CHCHD6: variants seen among roughly 807,000 people sequenced by gnomAD.
The protein encoded by CHCHD6 is coiled-coil-helix-coiled-coil-helix domain containing 6, also known as MICOS complex subunit MIC25.
A neutral mutation model predicts 32.3 loss-of-function variants in CHCHD6; 28 were observed. The observed-to-expected ratio is 0.87, with a 90% CI of 0.64 to 1.19. The LOEUF (loss-of-function observed/expected upper bound fraction) is 1.19, where lower values mean the gene tolerates loss of function less well. Among genes scored for constraint, CHCHD6 ranks in the 50% most tolerant of loss-of-function variants. The pLI is 0.00. For synonymous variants in CHCHD6, 122 were observed against 117.5 expected, an observed-to-expected ratio of 1.04 and a Z score of -0.25; for missense variants, 333 against 307.0, an observed-to-expected ratio of 1.08 and a Z score of -0.63.
intron 4 of CHCHD6, among the ~76,000 whole-genome samples, chr3:126,805,799 C>G (rs1467831595): frequency 6.6e-6 from 1 of 152,170 alleles, no homozygotes; most frequent in African/African-American, 2.4e-5. Context: ...TGACTTCAAA[C>G]TATACTACAA....
intron 4 of CHCHD6, among the ~76,000 whole-genome samples, chr3:126,774,370 G>A (rs1315401156): frequency 6.6e-6 from 1 of 152,046 alleles, no homozygotes; most frequent in Admixed American, 6.5e-5. Context: ...GTAGAGAGAG[G>A]GCCCATGTAT....
intron 5 of CHCHD6, among the ~76,000 whole-genome samples, chr3:126,861,337 A>G (rs997717578): frequency 7.2e-5 from 11 of 152,012 alleles, no homozygotes; most frequent in African/African-American, 2.2e-4. Context: ...ACTAACCGTT[A>G]TAACCTCAAC....
At chr3:126,937,045 G>C (rs1009267388) in intron 6 of CHCHD6, among the ~76,000 whole-genome samples, 8 of 152,222 alleles carry the variant, frequency 5.3e-5, no homozygotes, top group East Asian at 3.8e-4. Flanking sequence ...ATTTGCTCCA[G>C]GTCATGTGGG....
At chr3:126,831,028 C>CTTT (rs543053558) in intron 4 of CHCHD6, among the ~76,000 whole-genome samples, 1 of 145,844 alleles carries the variant, frequency 6.9e-6, no homozygotes, top group Non-Finnish European at 1.5e-5. Flanking sequence ...TGCCAGTCTT[C>CTTT]TTTTTTTTTT....
intron 4 of CHCHD6, among the ~76,000 whole-genome samples, chr3:126,794,030 A>G (rs910974241): frequency 4.6e-5 from 7 of 151,946 alleles, no homozygotes; most frequent in African/African-American, 1.4e-4. Context: ...TTCTTTGTCT[A>G]TATTCTTCAA....
intron 6 of CHCHD6, among the ~76,000 whole-genome samples, chr3:126,930,191 T>A (rs1214735151): frequency 6.6e-6 from 1 of 152,232 alleles, no homozygotes; most frequent in Non-Finnish European, 1.5e-5. Flanking sequence ...AACAGACTCT[T>A]CTCTTCTTAG....
chr3:126,705,769 C>T (rs930076526), intron 1 of CHCHD6, among the ~76,000 whole-genome samples: 3 of 151,970 alleles, frequency 2.0e-5, no homozygotes, highest in Admixed American at 2.0e-4. Context: ...CTGGCAGGTG[C>T]TCATTAGCTG....
chr3:126,853,484 G>T (rs1305321934), intron 5 of CHCHD6, among the ~76,000 whole-genome samples: 1 of 152,152 alleles, frequency 6.6e-6, no homozygotes. Flanking sequence ...CAAATCATTT[G>T]TCATGGTTTG....
intron 4 of CHCHD6, chr3:126,767,113 G>A: frequency 6.9e-7 from 1 of 1,451,394 alleles, no homozygotes; most frequent in Non-Finnish European, 9.7e-7. Context: ...TCCCATCCGA[G>A]TTGTGTCCCA....
In CHCHD6 at chr3:126,860,042, G is replaced by A. The variant is rs570093017; in HGVS notation, c.495+7312G>A. The stretch of plus-strand genomic sequence containing the variant: ...AGGGGTGTGTCTCGTTGGAAGAGCC[G>A]CCACCTGCCTGCCGGTCACTCCAAT... On this transcript the variant is annotated intron_variant, in intron 5 of 7. Coordinates refer to ENST00000290913, the MANE Select transcript of CHCHD6 (RefSeq NM_032343.3). 3.3e-5 allele frequency among the ~76,000 whole-genome samples: 5 copies of A among 152,182 alleles called. No homozygotes were observed. The South Asian group carries it at 6.3e-4, about 19-fold the overall frequency.
At chr3:126,849,205 G>C (rs779237500) in intron 4 of CHCHD6, among the ~76,000 whole-genome samples, 2 of 152,262 alleles carry the variant, frequency 1.3e-5, no homozygotes, top group Admixed American at 6.5e-5. Context: ...CAGGTCGCCA[G>C]CCTGGCTTCA....
intron 4 of CHCHD6, among the ~76,000 whole-genome samples, chr3:126,834,455 A>T (rs1940773299): frequency 6.6e-6 from 1 of 152,082 alleles, no homozygotes; most frequent in African/African-American, 2.4e-5. Context: ...AATTAATTGG[A>T]AAGTTGTTGG....
chr3:126,944,241 A>T (rs1167341498), intron 6 of CHCHD6, among the ~76,000 whole-genome samples: 1 of 152,242 alleles, frequency 6.6e-6, no homozygotes, highest in South Asian at 2.1e-4. Context: ...GGGGCTGGGC[A>T]CATGGTCCAG....
intron 4 of CHCHD6, among the ~76,000 whole-genome samples, chr3:126,848,739 AT>A (rs1941374492): frequency 6.6e-6 from 1 of 152,150 alleles, no homozygotes; most frequent in East Asian, 1.9e-4. Flanking sequence ...CTGGGGTTTT[AT>A]TGTATTCTTT....
At chr3:126,904,120 A>G (rs902920517) in intron 5 of CHCHD6, among the ~76,000 whole-genome samples, 1 of 152,104 alleles carries the variant, frequency 6.6e-6, no homozygotes, top group Non-Finnish European at 1.5e-5. Context: ...TTTTTCTGTT[A>G]TCTTCTTATA....
At chr3:126,794,291 A>G (rs1040540782) in intron 4 of CHCHD6, among the ~76,000 whole-genome samples, 2 of 145,470 alleles carry the variant, frequency 1.4e-5, no homozygotes, top group Non-Finnish European at 3.0e-5. Flanking sequence ...TATAGTTTGT[A>G]TATATTTATA....
At chr3:126,715,048 T>C (rs1273112383) in intron 1 of CHCHD6, among the ~76,000 whole-genome samples, 1 of 152,082 alleles carries the variant, frequency 6.6e-6, no homozygotes, top group East Asian at 1.9e-4. Flanking sequence ...TTAAAGTAGG[T>C]TGTCTGTTTT....
intron 5 of CHCHD6, among the ~76,000 whole-genome samples, chr3:126,894,972 CAG>C (rs2077817884): frequency 6.6e-6 from 1 of 152,216 alleles, no homozygotes; most frequent in African/African-American, 2.4e-5. Flanking sequence ...TCCCACTCAC[CAG>C]AGAGTAGCCA....
At chr3:126,816,267 A>T (rs1307333456) in intron 4 of CHCHD6, among the ~76,000 whole-genome samples, 1 of 152,072 alleles carries the variant, frequency 6.6e-6, no homozygotes, top group Non-Finnish European at 1.5e-5. Context: ...GAAGCTGAGC[A>T]CTGAGCCAGG....
Sources: gnomAD v4.1 joint callset for allele counts (sites outside exome capture counted in the v4.1 genomes callset) on GRCh38, gnomAD v4.1.1 for gene constraint, MANE v1.5 for transcripts, NCBI Gene and HGNC (gene_info 2026-07-23, HGNC 2026-07-21) for gene names.